The following PTBP3 variants were observed in gnomAD, a reference collection of about 807,000 sequenced individuals.
The protein encoded by PTBP3 is polypyrimidine tract binding protein 3, also known as polypyrimidine tract-binding protein 3.
In PTBP3, 20 loss-of-function variants were observed where a neutral mutation model predicts 58.7. The ratio of observed to expected loss-of-function variants is 0.34; its 90% confidence interval spans 0.24 to 0.50. The LOEUF is 0.50. Among genes scored for constraint, PTBP3 ranks in the 20% least tolerant of loss-of-function variants. The pLI is 0.98. For missense variants in PTBP3, 509 were observed against 637.2 expected (o/e 0.80, Z 2.17); for synonymous variants, 185 against 219.8 (o/e 0.84, Z 1.40).
chr9:112,220,323 T>C lies in PTBP3; in HGVS notation c.*3528A>G, dbSNP rs769471128. 1.1e-4 allele frequency: 148 copies of C among 1,299,062 alleles called. No individual in the cohort carries two copies. The highest frequency in any genetic ancestry group is 2.1e-4 in the Middle Eastern group (1 of 4,720). The allele number at this position is 1,299,062 out of a possible 1,614,324, so 80.5% of individuals were successfully genotyped here. A position where few individuals can be genotyped will look rare whatever the true frequency, so the allele number is the denominator to read the frequency against. Reference sequence around the variant, plus strand: ...GCTCATGCCTGTAATCCCAGCACTGTGGGGAGGTGGAAGCAGGAGAATCAC... The same window carrying C: ...GCTCATGCCTGTAATCCCAGCACTGCGGGGAGGTGGAAGCAGGAGAATCAC... On this transcript the variant is annotated 3_prime_UTR_variant, in exon 14 of 14. Transcript: ENST00000374257.
chr9:112,292,950 G>C lies in PTBP3; in HGVS notation c.34+4882C>G, dbSNP rs143889520. On this transcript the variant is annotated intron_variant, in intron 2 of 13. Transcript: ENST00000374257. ...GATAGAGGGCACACAAGCAAACACG[G>C]TGAAACACACAAAAAGGGAATATTC... Among the ~76,000 whole-genome samples, 395 of 152,096 alleles carry C rather than the reference G, an allele frequency of 2.6e-3. 1 individual carries two copies. Among genetic ancestry groups the C allele is most frequent in the African/African-American group, 9.0e-3 (373 of 41,492 alleles).
At chr9:112,348,465 G>GA in the PTBP3 span, among the ~76,000 whole-genome samples, 7 of 152,134 alleles carry the variant, frequency 4.6e-5, no homozygotes, top group Admixed American at 6.5e-5. Flanking sequence ...ACTGGTAAGG[G>GA]AAAAAAATGC....
At chr9:112,253,724 T>C (rs1836229389) in intron 5 of PTBP3, among the ~76,000 whole-genome samples, 1 of 151,986 alleles carries the variant, frequency 6.6e-6, no homozygotes, top group Admixed American at 6.6e-5. Flanking sequence ...TCTCAAGAGA[T>C]CTGATTGTTT....
chr9:112,297,811 A>T (rs760253971), intron 2 of PTBP3, 21 bp downstream of exon 2: 407 of 868,626 alleles, frequency 4.7e-4, no homozygotes, highest in Non-Finnish European at 5.2e-4. Context: ...ATCAAATATT[A>T]AAAAAAAAAA....
chr9:112,328,241 T>G (rs989210521), intron 1 of PTBP3, among the ~76,000 whole-genome samples: 1 of 152,246 alleles, frequency 6.6e-6, no homozygotes, highest in Non-Finnish European at 1.5e-5. Context: ...ACGATCTAGA[T>G]GAATTATGAG....
chr9:112,236,119 C>T (rs1430207730), intron 7 of PTBP3, among the ~76,000 whole-genome samples: 2 of 151,762 alleles, frequency 1.3e-5, no homozygotes, highest in Non-Finnish European at 2.9e-5. Context: ...GTTAAAAACT[C>T]ATATAATTTT....
chr9:112,267,236 G>A (rs968900636), intron 4 of PTBP3, among the ~76,000 whole-genome samples: 4 of 151,454 alleles, frequency 2.6e-5, no homozygotes, highest in Non-Finnish European at 5.9e-5. Context: ...CACGGTCTCG[G>A]CTCACCGCAA....
At chr9:112,247,010 A>C (rs1041075585) in intron 7 of PTBP3, among the ~76,000 whole-genome samples, 1 of 151,846 alleles carries the variant, frequency 6.6e-6, no homozygotes, top group Non-Finnish European at 1.5e-5. Flanking sequence ...TCCTCCCTAG[A>C]CTCTTTAAAA....
At chr9:112,282,644 T>A (rs541148525) in intron 2 of PTBP3, among the ~76,000 whole-genome samples, 1 of 147,402 alleles carries the variant, frequency 6.8e-6, no homozygotes. Context: ...TTTATTTTTA[T>A]TTTTTTTTTT....
In PTBP3 at chr9:112,222,639, TATTA is replaced by T. The variant is rs533828973; in HGVS notation, c.*1208_*1211del. Reference sequence around the variant, plus strand: ...CAAGCACCAAAAATTTGATAAAAACTATTACTTATTGAAAACCACTTAAAATTGC... The same window carrying T: ...CAAGCACCAAAAATTTGATAAAAACTCTTATTGAAAACCACTTAAAATTGC... On this transcript the variant is annotated 3_prime_UTR_variant, in exon 14 of 14. Coordinates refer to ENST00000374257, the MANE Select transcript of PTBP3 (RefSeq NM_001163788.4). The T allele has an allele frequency of 1.7e-4, 167 of 985,738 alleles. No individual in the cohort carries two copies. In the African/African-American group the frequency reaches 2.8e-3, roughly 16 times the overall value. The allele number at this position is 985,738 out of a possible 1,614,324, so 61.1% of individuals were successfully genotyped here. A position where few individuals can be genotyped will look rare whatever the true frequency, so the allele number is the denominator to read the frequency against.
chr9:112,372,146 T>C, the PTBP3 span, among the ~76,000 whole-genome samples: 5 of 152,094 alleles, frequency 3.3e-5, no homozygotes, highest in African/African-American at 1.2e-4. Context: ...AATCATAACT[T>C]ACTTCAGCCC....
chr9:112,220,201 GAA>G lies in PTBP3; in HGVS notation c.*3648_*3649del, dbSNP rs1384586787. 2 of 1,345,584 alleles carry G rather than the reference GAA, an allele frequency of 1.5e-6. No individual in the cohort carries two copies. Among genetic ancestry groups the G allele is most frequent in the Non-Finnish European group, 2.0e-6 (2 of 1,018,996 alleles). The allele number at this position is 1,345,584 out of a possible 1,614,324, so 83.4% of individuals were successfully genotyped here. A position where few individuals can be genotyped will look rare whatever the true frequency, so the allele number is the denominator to read the frequency against. ...TTTTTTGTCCAAAAATATCTCGTGG[GAA>G]CAGAAGAGAAACTGCATGACAATAT... is the stretch of plus-strand genomic sequence containing the variant. On this transcript the variant is annotated 3_prime_UTR_variant, in exon 14 of 14. Coordinates refer to ENST00000374257, the MANE Select transcript of PTBP3 (RefSeq NM_001163788.4).
chr9:112,281,729 A>G (rs1827876450), intron 2 of PTBP3, among the ~76,000 whole-genome samples: 1 of 152,198 alleles, frequency 6.6e-6, no homozygotes, highest in South Asian at 2.1e-4. Context: ...CTATATGACT[A>G]TCTGAGTTTT....
chr9:112,371,777 A>T, the PTBP3 span, among the ~76,000 whole-genome samples: 1 of 150,930 alleles, frequency 6.6e-6, no homozygotes, highest in African/African-American at 2.4e-5. Flanking sequence ...TCTGTCACCT[A>T]GGCTAGAGTG....
chr9:112,320,314 A>ATATAT lies in PTBP3; in HGVS notation c.-52+13155_-52+13156insATATA. ...AAAATATATATATATATATATATAT[A>ATATAT]TTTTTTTTTAAGTGTTATCACCAGA... is the stretch of plus-strand genomic sequence containing the variant. On this transcript the variant is annotated intron_variant, in intron 1 of 13. Coordinates refer to ENST00000374257, the MANE Select transcript of PTBP3 (RefSeq NM_001163788.4). Among the ~76,000 whole-genome samples the ATATAT allele has an allele frequency of 2.0e-4, 15 of 75,692 alleles. No individual in the cohort carries two copies. In the East Asian group the frequency reaches 4.3e-3, roughly 22 times the overall value. 49.7% of individuals were successfully genotyped at this position (75,692 alleles called of 152,430 possible).
intron 4 of PTBP3, among the ~76,000 whole-genome samples, chr9:112,266,125 TATAATGGATAGAGTGTTTCAGTTTGAG>T (rs1836790206): frequency 6.6e-6 from 1 of 152,152 alleles, no homozygotes; most frequent in African/African-American, 2.4e-5. Context: ...GGAGTTACTG[TATAATGGATAGAGTGTTTCAGTTTGAG>T]GTGATGGGAA....
intron 7 of PTBP3, among the ~76,000 whole-genome samples, chr9:112,247,757 TC>T (rs770553976): frequency 3.9e-5 from 6 of 152,156 alleles, no homozygotes; most frequent in Non-Finnish European, 8.8e-5. Flanking sequence ...GATGTTAATT[TC>T]CTAACTTTGA....
chr9:112,266,748 T>C (rs753953615), intron 4 of PTBP3, among the ~76,000 whole-genome samples: 24 of 152,234 alleles, frequency 1.6e-4, no homozygotes, highest in African/African-American at 4.6e-4. Flanking sequence ...ATTAGATATA[T>C]AGACATCTGA....
chr9:112,329,255 AC>A (rs1157682868), intron 1 of PTBP3, among the ~76,000 whole-genome samples: 1 of 152,066 alleles, frequency 6.6e-6, no homozygotes, highest in Admixed American at 6.5e-5. Flanking sequence ...TATTAAAAAT[AC>A]AAAAAAATTA....
Sources: allele counts gnomAD v4.1 joint callset (sites outside exome capture counted in the v4.1 genomes callset), GRCh38; gene constraint gnomAD v4.1.1; transcripts MANE v1.5; gene names NCBI Gene and HGNC (gene_info 2026-07-23, HGNC 2026-07-21).